The following ZNF555 variants were observed in gnomAD, a reference collection of about 807,000 sequenced individuals.
ZNF555 encodes zinc finger protein 555.
A neutral mutation model predicts 14.0 loss-of-function variants in ZNF555; 10 were observed. The observed-to-expected ratio is 0.72, with a 90% CI of 0.44 to 1.21. The LOEUF is 1.21. Among genes scored for constraint, ZNF555 ranks in the 50% most tolerant of loss-of-function variants. The probability of loss-of-function intolerance (pLI) is 0.00; values close to 1 mark genes in which losing one functional copy is unlikely to be tolerated. For synonymous variants in ZNF555, 277 were observed against 262.4 expected, an observed-to-expected ratio of 1.06 and a Z score of -0.54; for missense variants, 747 against 762.0, an observed-to-expected ratio of 0.98 and a Z score of 0.23.
In ZNF555 at chr19:2,852,433, C is replaced by A. The variant is rs981990896; in HGVS notation, c.368C>A (p.Ala123Asp). The change falls in exon 4 of 4, where the codon GCC becomes GAC. Residue 123 changes from alanine (A) to aspartate (D), a missense_variant. Ala to Asp is a moderately radical substitution (Grantham distance 126). Transcript: ENST00000334241. ...GAAAGTAATGATCAATGTGGAGAAG[C>A]CCTCAGCCAGATTCCACATCTTAAT... ...LCESNDQCGE[A>D]LSQIPHLNLY... is the part of the protein sequence containing the mutation. The A allele has an allele frequency of 1.2e-6, 2 of 1,614,100 alleles. No individual in the cohort carries two copies. The highest frequency in any genetic ancestry group is 1.3e-5 in the African/African-American group (1 of 75,028).
In ZNF555 at chr19:2,855,628, G is replaced by A. The variant is rs1228779208; in HGVS notation, c.*1676G>A. 1 of 151,936 alleles carries A rather than the reference G, an allele frequency of 6.6e-6. No homozygotes were observed. The highest frequency in any genetic ancestry group is 2.4e-5 in the African/African-American group (1 of 41,374). The allele number at this position is 151,936 out of a possible 1,614,324, so 9.4% of individuals were successfully genotyped here. On this transcript the variant is annotated 3_prime_UTR_variant, in exon 4 of 4. Coordinates refer to ENST00000334241, the MANE Select transcript of ZNF555 (RefSeq NM_152791.5). The stretch of plus-strand genomic sequence containing the variant: ...TTTAGAGACTATATTAATTTCCCAG[G>A]GCTGCCATAACAAAGTACAAAAACT...
chr19:2,844,994 T>C (rs1599560982), intron 1 of ZNF555, among the ~76,000 whole-genome samples: 1 of 152,212 alleles, frequency 6.6e-6, no homozygotes, highest in East Asian at 1.9e-4. Flanking sequence ...TTATTTCAGA[T>C]TCATGGGCAC....
chr19:2,851,187 G>A (rs1321689346), intron 2 of ZNF555, among the ~76,000 whole-genome samples: 3 of 151,776 alleles, frequency 2.0e-5, no homozygotes, highest in South Asian at 2.1e-4. Flanking sequence ...TAGTAGAGAC[G>A]GGGTTTCACC....
At chr19:2,846,398 C>G (rs1358573168) in intron 1 of ZNF555, among the ~76,000 whole-genome samples, 1 of 152,194 alleles carries the variant, frequency 6.6e-6, no homozygotes, top group Non-Finnish European at 1.5e-5. Context: ...CATCCAAGGT[C>G]AAGCCAGTCC....
At chr19:2,849,067 G>A (rs573510680) in intron 1 of ZNF555, among the ~76,000 whole-genome samples, 2 of 152,292 alleles carry the variant, frequency 1.3e-5, no homozygotes, top group East Asian at 3.9e-4. Context: ...AACCCAGGGA[G>A]CTCATATTGT....
At chr19:2,849,649 T>A (rs1327310336) in intron 1 of ZNF555, among the ~76,000 whole-genome samples, 1 of 150,678 alleles carries the variant, frequency 6.6e-6, no homozygotes, top group East Asian at 1.9e-4. Flanking sequence ...CATGCCCGGC[T>A]AATTTTTTTT....
In ZNF555 at chr19:2,853,450, G is replaced by A. The variant is rs2087654734; in HGVS notation, c.1385G>A (p.Ser462Asn). ...TGTAAGCAGTGTGGGAAAGCCTTCAGCTTGTCTGCTTGCTTTCGAGAACAT... is the reference window on the plus strand; with the variant it reads ...TGTAAGCAGTGTGGGAAAGCCTTCAACTTGTCTGCTTGCTTTCGAGAACAT... ...YECKQCGKAF[S>N]LSACFREHVR... Residue 462 changes from serine (S) to asparagine (N), a missense_variant, in exon 4 of 4, where the codon AGC (serine) becomes AAC (asparagine). Coordinates refer to ENST00000334241, the MANE Select transcript of ZNF555 (RefSeq NM_152791.5). The A allele has an allele frequency of 6.2e-7, 1 of 1,613,952 alleles. No individual in the cohort carries two copies. The highest frequency in any genetic ancestry group is 1.7e-5 in the Admixed American group (1 of 59,986).
In ZNF555 at chr19:2,856,151, A is replaced by C. The variant is rs1283314580; in HGVS notation, c.*2199A>C. The C allele has an allele frequency of 1.3e-5, 2 of 151,934 alleles. No homozygotes were observed. The highest frequency in any genetic ancestry group is 1.3e-4 in the Admixed American group (2 of 15,226). 9.4% of individuals were successfully genotyped at this position (151,934 alleles called of 1,614,324 possible). On this transcript the variant is annotated 3_prime_UTR_variant, in exon 4 of 4. Coordinates refer to ENST00000334241, the MANE Select transcript of ZNF555 (RefSeq NM_152791.5). ...TTACCAAGTATATACAAATACAGGT[A>C]TTTTTTCATATAAATGTTATTTTTA... is the stretch of plus-strand genomic sequence containing the variant.
intron 1 of ZNF555, among the ~76,000 whole-genome samples, chr19:2,850,215 T>C (rs1272267594): frequency 6.6e-6 from 1 of 152,190 alleles, no homozygotes; most frequent in Non-Finnish European, 1.5e-5. Flanking sequence ...TAGTGCCGAA[T>C]GATGGTGTGT....
intron 1 of ZNF555, among the ~76,000 whole-genome samples, chr19:2,849,694 G>T (rs1403698272): frequency 6.6e-6 from 1 of 151,090 alleles, no homozygotes; most frequent in African/African-American, 2.4e-5. Context: ...CACCATGTTG[G>T]CCAGGCTGGT....
chr19:2,851,572 T>G lies in ZNF555; in HGVS notation c.235T>G (p.Ser79Ala). ...SKIATFTRNV[S>A]WASVLGKIWD... ...AATAGCCACGTTCACCAGAAATGTT[T>G]CCTGGGCCTCTGTTTTAGGAAAAAT... is the stretch of plus-strand genomic sequence containing the variant. Residue 79 changes from serine to alanine, a missense_variant, in exon 3 of 4, where the codon TCC becomes GCC. Physicochemically the swap from Ser to Ala is moderately conservative, Grantham distance 99. Transcript: ENST00000334241. 6.2e-7 allele frequency: 1 copy of G among 1,612,598 alleles called. No individual in the cohort carries two copies. Among genetic ancestry groups the G allele is most frequent in the Non-Finnish European group, 8.5e-7 (1 of 1,179,646 alleles).
At chr19:2,848,460 T>G (rs1382196681) in intron 1 of ZNF555, among the ~76,000 whole-genome samples, 2 of 150,046 alleles carry the variant, frequency 1.3e-5, no homozygotes, top group African/African-American at 4.9e-5. Context: ...CCACCCAGGA[T>G]TTTTTTTAGA....
Position 2,857,048 on chromosome 19 carries a change from G to A in ZNF555, c.*3096G>A, listed in dbSNP as rs894231075. ...CAGAAAGCCCCAAAAGCCTATTTAAGTTTTCTCAGGTATCATTTCAACCTC... is the reference window on the plus strand; with the variant it reads ...CAGAAAGCCCCAAAAGCCTATTTAAATTTTCTCAGGTATCATTTCAACCTC... On this transcript the variant is annotated 3_prime_UTR_variant, in exon 4 of 4. Coordinates refer to ENST00000334241, the MANE Select transcript of ZNF555 (RefSeq NM_152791.5). The A allele has an allele frequency of 7.9e-5, 12 of 152,298 alleles. No homozygotes were observed. Among genetic ancestry groups the A allele is most frequent in the Middle Eastern group, 3.4e-3 (1 of 294 alleles). The allele number at this position is 152,298 out of a possible 1,614,324, so 9.4% of individuals were successfully genotyped here. A position where few individuals can be genotyped will look rare whatever the true frequency, so the allele number is the denominator to read the frequency against.
At chr19:2,848,451 C>G (rs978974181) in intron 1 of ZNF555, among the ~76,000 whole-genome samples, 1 of 151,608 alleles carries the variant, frequency 6.6e-6, no homozygotes, top group Non-Finnish European at 1.5e-5. Flanking sequence ...CGCACCCAGC[C>G]ACCCAGGATT....
Position 2,850,675 on chromosome 19 carries a change from A to T in ZNF555, c.92A>T (p.Asp31Val). 3 of 1,613,956 alleles carry T rather than the reference A, an allele frequency of 1.9e-6. No individual in the cohort carries two copies. Among genetic ancestry groups the T allele is most frequent in the African/African-American group, 1.3e-5 (1 of 75,046 alleles). Residue 31 changes from aspartate (D) to valine (V), a missense_variant, in exon 2 of 4, where the codon GAT (aspartate) becomes GTT (valine). Physicochemically the swap from Asp to Val is radical, Grantham distance 152. Transcript: ENST00000334241. ...LDSAQRDLYR[D>V]VMLETFQNLA... ...TCTGCTCAGAGGGACCTCTACAGAGATGTGATGCTGGAGACCTTTCAGAAC... is the reference window on the plus strand; with the variant it reads ...TCTGCTCAGAGGGACCTCTACAGAGTTGTGATGCTGGAGACCTTTCAGAAC...
rs2087684740 is a variant in ZNF555, at chr19:2,856,533, A to G, written c.*2581A>G. 1 of 152,194 alleles carries G rather than the reference A, an allele frequency of 6.6e-6. No individual in the cohort carries two copies. The highest frequency in any genetic ancestry group is 1.5e-5 in the Non-Finnish European group (1 of 68,040). 9.4% of individuals were successfully genotyped at this position (152,194 alleles called of 1,614,324 possible). On this transcript the variant is annotated 3_prime_UTR_variant, in exon 4 of 4. Coordinates refer to ENST00000334241, the MANE Select transcript of ZNF555 (RefSeq NM_152791.5). The stretch of plus-strand genomic sequence containing the variant: ...AATGATTTCTTATTTGTGGTTAATA[A>G]CAATTAAAAAGCGGAAATAATGGTT...
chr19:2,859,914 T>G lies in ZNF555; in HGVS notation c.*5962T>G, dbSNP rs2087717927. ...GGACATTAAGTATTTCTTGATGTTC[T>G]TCTGTGTAACAGGTGATGTCCTAGG... On this transcript the variant is annotated 3_prime_UTR_variant, in exon 4 of 4. Coordinates refer to ENST00000334241, the MANE Select transcript of ZNF555 (RefSeq NM_152791.5). 1 of 152,266 alleles carries G rather than the reference T, an allele frequency of 6.6e-6. No homozygotes were observed. Among genetic ancestry groups the G allele is most frequent in the Non-Finnish European group, 1.5e-5 (1 of 68,066 alleles). 9.4% of individuals were successfully genotyped at this position (152,266 alleles called of 1,614,324 possible).
chr19:2,850,725 A>G lies in ZNF555; in HGVS notation c.130+12A>G. The G allele has an allele frequency of 6.2e-7, 1 of 1,612,830 alleles. No homozygotes were observed. Among genetic ancestry groups the G allele is most frequent in the Non-Finnish European group, 8.5e-7 (1 of 1,179,186 alleles). On this transcript the variant is annotated intron_variant, in intron 2 of 3. Transcript: ENST00000334241. ...CCTGGCCTCAGTAGGTAAGGATGAC[A>G]TCATTCCTTCCTTCACGTAGTTATT...
At position 2,854,089 on chromosome 19, in the gene ZNF555, G is replaced by A. The variant is rs2087664094; in HGVS notation, c.*137G>A. The A allele has an allele frequency of 9.1e-7, 1 of 1,101,120 alleles. No homozygotes were observed. Among genetic ancestry groups the A allele is most frequent in the Non-Finnish European group, 1.3e-6 (1 of 789,642 alleles). The allele number at this position is 1,101,120 out of a possible 1,614,324, so 68.2% of individuals were successfully genotyped here. On this transcript the variant is annotated 3_prime_UTR_variant, in exon 4 of 4. Transcript: ENST00000334241. ...TGAACAGGTAGTTTCTTACGATTCA[G>A]TAAATAAAACTTTCATCTTAGAGTG...
Sources: allele counts gnomAD v4.1 joint callset (sites outside exome capture counted in the v4.1 genomes callset), GRCh38; gene constraint gnomAD v4.1.1; transcripts MANE v1.5; gene names NCBI Gene and HGNC (gene_info 2026-07-23, HGNC 2026-07-21).